NTF3: variants seen among roughly 807,000 people sequenced by gnomAD.
NTF3 encodes the protein neurotrophin 3.
Under a neutral mutation model 26.3 loss-of-function variants are expected in NTF3, and 8 were observed. The ratio of observed to expected loss-of-function variants is 0.30; its 90% CI spans 0.18 to 0.55. The LOEUF (loss-of-function observed/expected upper bound fraction) is 0.55, where lower values mean the gene tolerates loss of function less well. NTF3 is among the 20% of genes least tolerant of loss of function. The probability of loss-of-function intolerance (pLI) is 0.93; values close to 1 mark genes in which losing one functional copy is unlikely to be tolerated. For missense variants in NTF3, 276 were observed against 352.9 expected, an observed-to-expected ratio of 0.78 and a Z score of 1.75; for synonymous variants, 154 against 145.5, an observed-to-expected ratio of 1.06 and a Z score of -0.42.
intron 1 of NTF3, among the ~76,000 whole-genome samples, chr12:5,488,946 G>A (rs1242183634): frequency 6.6e-6 from 1 of 152,200 alleles, no homozygotes; most frequent in Non-Finnish European, 1.5e-5. Flanking sequence ...ATTAAAATTT[G>A]CTTTCACCTC....
intron 1 of NTF3, among the ~76,000 whole-genome samples, chr12:5,469,476 C>G (rs1198256986): frequency 6.6e-6 from 1 of 152,126 alleles, no homozygotes; most frequent in African/African-American, 2.4e-5. Context: ...GCCCAGGTCA[C>G]AATCATGGGG....
chr12:5,467,105 C>T (rs970987284), intron 1 of NTF3, among the ~76,000 whole-genome samples: 3 of 151,790 alleles, frequency 2.0e-5, no homozygotes, highest in Admixed American at 6.6e-5. Context: ...TGGCAGGCGC[C>T]GGTAATCCCA....
At chr12:5,459,390 GAC>G (rs892887058) in intron 1 of NTF3, among the ~76,000 whole-genome samples, 2 of 152,176 alleles carry the variant, frequency 1.3e-5, no homozygotes, top group African/African-American at 4.8e-5. Context: ...CCCAGTTAAA[GAC>G]ACATCTGTCC....
At chr12:5,437,260 T>C (rs543566898) in intron 1 of NTF3, among the ~76,000 whole-genome samples, 1 of 152,332 alleles carries the variant, frequency 6.6e-6, no homozygotes, top group South Asian at 2.1e-4. Flanking sequence ...AGCTAAGCTA[T>C]TTCCAAGAGG....
chr12:5,457,874 G>A (rs1454966875), intron 1 of NTF3, among the ~76,000 whole-genome samples: 2 of 152,138 alleles, frequency 1.3e-5, no homozygotes, highest in Non-Finnish European at 2.9e-5. Context: ...TCATCCGCAG[G>A]ATCGGGCAGC....
At position 5,491,965 on chromosome 12, in the gene NTF3, C is replaced by T. The variant is rs533050829; in HGVS notation, c.19-2229C>T. The stretch of plus-strand genomic sequence containing the variant: ...TCCTGACCTCGTGATCCACCCACCT[C>T]GGCCTCCCAAAGTGCTGGGATTACA... On this transcript the variant is annotated intron_variant, in intron 1 of 1. Transcript: ENST00000423158. 1.6e-3 allele frequency among the ~76,000 whole-genome samples: 237 copies of T among 152,136 alleles called. 2 individuals carry two copies. Among genetic ancestry groups the T allele is most frequent in the African/African-American group, 5.4e-3 (225 of 41,506 alleles).
intron 1 of NTF3, among the ~76,000 whole-genome samples, chr12:5,484,323 C>A (rs1940842262): frequency 6.6e-6 from 1 of 152,086 alleles, no homozygotes; most frequent in African/African-American, 2.4e-5. Flanking sequence ...ACAGAGAGGA[C>A]CAGAAAATTA....
intron 1 of NTF3, among the ~76,000 whole-genome samples, chr12:5,438,765 A>G (rs945567000): frequency 9.9e-5 from 15 of 152,230 alleles, no homozygotes; most frequent in African/African-American, 2.9e-4. Context: ...ATTAGCTGCT[A>G]CTGTGTGACC....
At chr12:5,475,460 A>G (rs932776566) in intron 1 of NTF3, among the ~76,000 whole-genome samples, 8 of 152,152 alleles carry the variant, frequency 5.3e-5, no homozygotes, top group Admixed American at 6.5e-5. Flanking sequence ...TATGACAACT[A>G]TTTTATTTCA....
intron 1 of NTF3, among the ~76,000 whole-genome samples, chr12:5,475,849 GAAGA>G (rs1184973581): frequency 9.5e-6 from 1 of 104,844 alleles, no homozygotes; most frequent in Non-Finnish European, 2.1e-5. Context: ...AAAGAAAAAA[GAAGA>G]AAGAGAGAGA....
chr12:5,453,947 A>G (rs1178192700), intron 1 of NTF3, among the ~76,000 whole-genome samples: 1 of 152,212 alleles, frequency 6.6e-6, no homozygotes, highest in East Asian at 1.9e-4. Flanking sequence ...CAAAAACACA[A>G]CCTTCCATTG....
At chr12:5,439,320 A>T (rs1222635154) in intron 1 of NTF3, among the ~76,000 whole-genome samples, 1 of 152,208 alleles carries the variant, frequency 6.6e-6, no homozygotes, top group African/African-American at 2.4e-5. Context: ...TACTGAGGTT[A>T]TGTGAGGTTA....
At chr12:5,439,712 T>C (rs1236361609) in intron 1 of NTF3, among the ~76,000 whole-genome samples, 1 of 152,146 alleles carries the variant, frequency 6.6e-6, no homozygotes, top group Non-Finnish European at 1.5e-5. Flanking sequence ...GGACATCTGG[T>C]TTTGATCCAC....
intron 1 of NTF3, among the ~76,000 whole-genome samples, chr12:5,479,465 T>A (rs754354436): frequency 5.9e-5 from 9 of 152,198 alleles, no homozygotes; most frequent in Non-Finnish European, 1.0e-4. Flanking sequence ...ATAAAGGAGC[T>A]CCACTTACCT....
chr12:5,460,371 C>T (rs898738699), intron 1 of NTF3, among the ~76,000 whole-genome samples: 1 of 152,188 alleles, frequency 6.6e-6, no homozygotes, highest in African/African-American at 2.4e-5. Context: ...GCCACCAATC[C>T]CTGGCAGCCA....
intron 1 of NTF3, among the ~76,000 whole-genome samples, chr12:5,458,067 C>G (rs866887948): frequency 9.9e-5 from 15 of 152,160 alleles, no homozygotes; most frequent in Admixed American, 2.0e-4. Flanking sequence ...GCCTCTGAGT[C>G]CTTGTTTTTT....
chr12:5,439,606 C>T (rs1940213187), intron 1 of NTF3, among the ~76,000 whole-genome samples: 1 of 152,230 alleles, frequency 6.6e-6, no homozygotes, highest in African/African-American at 2.4e-5. Flanking sequence ...TCTCCCTTTA[C>T]TTCTTGTTCT....
chr12:5,447,047 G>A lies in NTF3; in HGVS notation c.18+14705G>A, dbSNP rs116741689. Among the ~76,000 whole-genome samples the A allele has an allele frequency of 7.7e-3, 1,173 of 152,252 alleles. 10 individuals carry two copies. The highest frequency in any genetic ancestry group is 0.027 in the African/African-American group (1,115 of 41,538). On this transcript the variant is annotated intron_variant, in intron 1 of 1. Coordinates refer to ENST00000423158, the MANE Select transcript of NTF3 (RefSeq NM_001102654.2). ...GTACATCACAGAGACAAGCCCTGCC[G>A]AGAGCAGTGGAAGCAGGAAAACACA...
chr12:5,494,548 T>C lies in NTF3; in HGVS notation c.373T>C (p.Leu125=), dbSNP rs1028849264. The C allele has an allele frequency of 1.9e-6, 3 of 1,614,024 alleles. No homozygotes were observed. Among genetic ancestry groups the C allele is most frequent in the Non-Finnish European group, 2.5e-6 (3 of 1,179,996 alleles). The change falls in exon 2 of 2, where the codon TTG becomes CTG. Residue 125 remains leucine (L), a synonymous_variant. Transcript: ENST00000423158. The surrounding 1 kb of genome is among the most constrained non-coding windows in gnomAD (Gnocchi z 8.3). ...GGTCCTGCTGAGCGACAGCACCCCC[T>C]TGGAGCCCCCGCCCTTGTATCTCAT... The part of the protein sequence containing the change: ...PRVLLSDSTP[L]EPPPLYLMED...
Sources: allele counts gnomAD v4.1 joint callset (sites outside exome capture counted in the v4.1 genomes callset), GRCh38; gene constraint gnomAD v4.1.1; non-coding constraint Gnocchi (gnomAD v3.1); transcripts MANE v1.5; gene names NCBI Gene and HGNC (gene_info 2026-07-23, HGNC 2026-07-21).